Variants in FAM184A observed in about 807,000 individuals in gnomAD.
FAM184A encodes protein FAM184A.
In FAM184A, 99 loss-of-function variants were observed where a neutral mutation model predicts 143.8. The observed-to-expected ratio is 0.69, with a 90% CI of 0.58 to 0.81. FAM184A has a LOEUF of 0.81. Among genes scored for constraint, FAM184A ranks in the 40% least tolerant of loss-of-function variants. FAM184A has a pLI of 0.00. For missense variants in FAM184A, 1,217 were observed against 1,310.5 expected (o/e 0.93, Z 1.10); for synonymous variants, 427 against 446.4 (o/e 0.96, Z 0.55).
At chr6:119,097,020 A>T (rs1383979990) in intron 1 of FAM184A, among the ~76,000 whole-genome samples, 1 of 152,158 alleles carries the variant, frequency 6.6e-6, no homozygotes, top group Non-Finnish European at 1.5e-5. Context: ...GTTAAGAAAG[A>T]GGAATTCCCA....
intron 17 of FAM184A, chr6:118,960,665 C>T: frequency 2.1e-6 from 1 of 477,572 alleles, no homozygotes; most frequent in Non-Finnish European, 3.6e-6. Context: ...AGGGAGAACA[C>T]TAAAAATATA....
intron 1 of FAM184A, among the ~76,000 whole-genome samples, chr6:119,100,725 G>A (rs1434717034): frequency 3.3e-5 from 5 of 152,056 alleles, no homozygotes; most frequent in African/African-American, 1.2e-4. Context: ...GGGAGGCCGA[G>A]GTGGGCAGAT....
rs976581705 is a variant in FAM184A, at chr6:119,125,607, G to A, written c.-202+23471C>T. ...TGAAGAGTTGGTTATAAACCTAGAC[G>A]GACACACCAATTTGCATACCATTGT... On this transcript the variant is annotated intron_variant, in intron 1 of 16. Transcript: ENST00000352896. 1.7e-4 allele frequency among the ~76,000 whole-genome samples: 26 copies of A among 152,098 alleles called. 1 individual carries two copies. The highest frequency in any genetic ancestry group is 1.4e-3 in the Admixed American group (22 of 15,262).
At chr6:119,123,489 T>G (rs1379371811) in intron 1 of FAM184A, among the ~76,000 whole-genome samples, 1 of 152,222 alleles carries the variant, frequency 6.6e-6, no homozygotes, top group Non-Finnish European at 1.5e-5. Flanking sequence ...AAACATGATT[T>G]AAATGTTTAA....
At chr6:119,057,172 T>C (rs2114758908) in intron 1 of FAM184A, among the ~76,000 whole-genome samples, 1 of 152,254 alleles carries the variant, frequency 6.6e-6, no homozygotes, top group East Asian at 1.9e-4. Flanking sequence ...CTATTACTAA[T>C]GAAGTAAAGA....
intron 1 of FAM184A, among the ~76,000 whole-genome samples, chr6:119,133,598 C>T (rs1441213185): frequency 6.6e-6 from 1 of 151,914 alleles, no homozygotes; most frequent in Non-Finnish European, 1.5e-5. Flanking sequence ...AACCAGTTAC[C>T]TGAGGTAGGC....
chr6:118,992,589 C>G (rs1784413319), intron 9 of FAM184A, among the ~76,000 whole-genome samples: 1 of 152,176 alleles, frequency 6.6e-6, no homozygotes, highest in Non-Finnish European at 1.5e-5. Context: ...ACCAAATCTG[C>G]TGGCACCCTG....
intron 9 of FAM184A, among the ~76,000 whole-genome samples, chr6:118,989,954 G>A (rs1376506385): frequency 4.6e-5 from 7 of 151,838 alleles, no homozygotes; most frequent in African/African-American, 7.3e-5. Context: ...TCAGCCTCCC[G>A]AGTAGCTGGG....
intron 1 of FAM184A, among the ~76,000 whole-genome samples, chr6:119,094,331 A>T (rs1340244095): frequency 6.6e-6 from 1 of 152,162 alleles, no homozygotes; most frequent in East Asian, 1.9e-4. Flanking sequence ...GCTGACCTGA[A>T]CTCGTCTTTT....
intron 9 of FAM184A, among the ~76,000 whole-genome samples, chr6:118,985,610 C>A (rs559324811): frequency 6.6e-6 from 1 of 152,304 alleles, no homozygotes; most frequent in East Asian, 1.9e-4. Flanking sequence ...ACTTCTACAA[C>A]AGCTGTTCTC....
chr6:119,131,015 T>A (rs1426990995), intron 1 of FAM184A, among the ~76,000 whole-genome samples: 1 of 151,926 alleles, frequency 6.6e-6, no homozygotes, highest in African/African-American at 2.4e-5. Flanking sequence ...CCTGCCACCA[T>A]GCTTGGTTAA....
At chr6:119,028,482 T>C (rs557781165) in intron 1 of FAM184A, among the ~76,000 whole-genome samples, 3 of 152,148 alleles carry the variant, frequency 2.0e-5, no homozygotes, top group Admixed American at 2.0e-4. Flanking sequence ...GAGAGTTGAG[T>C]TGATCACCAA....
intron 9 of FAM184A, among the ~76,000 whole-genome samples, chr6:118,998,355 C>T (rs1784637846): frequency 6.6e-6 from 1 of 152,222 alleles, no homozygotes; most frequent in African/African-American, 2.4e-5. Flanking sequence ...ATTCTGTTCA[C>T]TCTATTCAAC....
intron 1 of FAM184A, among the ~76,000 whole-genome samples, chr6:119,123,971 G>T (rs1192598950): frequency 6.6e-6 from 1 of 152,118 alleles, no homozygotes; most frequent in Non-Finnish European, 1.5e-5. Context: ...CATTTACAAA[G>T]CACACTCCAA....
rs147749078 is a variant in FAM184A, at chr6:118,983,745, A to G, written c.2089-3395T>C. Among the ~76,000 whole-genome samples, 12 of 152,232 alleles carry G rather than the reference A, an allele frequency of 7.9e-5. No individual in the cohort carries two copies. The East Asian group carries it at 1.9e-3, about 24-fold the overall frequency. On this transcript the variant is annotated intron_variant, in intron 9 of 17. Transcript: ENST00000338891. The stretch of plus-strand genomic sequence containing the variant: ...TCAAACTGCACTGATAGTAATTGCC[A>G]CCTCCTGTCTCTACCATTTAAAAAA...
rs1460446868 is a variant in FAM184A, at chr6:119,022,850, C to T, written c.1150+95G>A. 2.7e-6 allele frequency: 4 copies of T among 1,484,536 alleles called. No individual in the cohort carries two copies. The African/African-American group carries it at 5.6e-5, about 21-fold the overall frequency. The allele number at this position is 1,484,536 out of a possible 1,614,324, so 92.0% of individuals were successfully genotyped here. On this transcript the variant is annotated intron_variant, in intron 3 of 17. Coordinates refer to ENST00000338891, the MANE Select transcript of FAM184A (RefSeq NM_024581.6). ...CGAGATTGAGCCACTGCACTCCCGTCTGGGCGACAGAGCAAGACTCTGTCT... is the reference window on the plus strand; with the variant it reads ...CGAGATTGAGCCACTGCACTCCCGTTTGGGCGACAGAGCAAGACTCTGTCT...
At chr6:119,137,527 G>C (rs1562165254) in intron 1 of FAM184A, among the ~76,000 whole-genome samples, 1 of 152,106 alleles carries the variant, frequency 6.6e-6, no homozygotes, top group Non-Finnish European at 1.5e-5. Context: ...CAGTCACATT[G>C]GGGGTTAGGG....
intron 6 of FAM184A, among the ~76,000 whole-genome samples, chr6:119,009,807 T>G (rs1785036278): frequency 6.6e-6 from 1 of 152,218 alleles, no homozygotes; most frequent in Non-Finnish European, 1.5e-5. Context: ...GACTTATCAC[T>G]GAAACCGCAG....
At chr6:119,068,405 G>C (rs2114782455) in intron 1 of FAM184A, among the ~76,000 whole-genome samples, 1 of 152,256 alleles carries the variant, frequency 6.6e-6, no homozygotes, top group South Asian at 2.1e-4. Context: ...CAAGTGGGGA[G>C]GGGATAGTGG....
Sources: gnomAD v4.1 joint callset for allele counts (sites outside exome capture counted in the v4.1 genomes callset) on GRCh38, gnomAD v4.1.1 for gene constraint, MANE v1.5 for transcripts, NCBI Gene and HGNC (gene_info 2026-07-23, HGNC 2026-07-21) for gene names.